The following PLEKHH2 variants were observed in gnomAD, a reference collection of about 807,000 sequenced individuals.
PLEKHH2 encodes the protein pleckstrin homology domain-containing family H member 2.
PLEKHH2 carries 129 observed loss-of-function variants against 187.9 expected under a neutral mutation model. That is an observed-to-expected ratio of 0.69 (90% CI 0.59 to 0.79). PLEKHH2 has a LOEUF of 0.79. Ranked by LOEUF, PLEKHH2 falls within the 30% of genes least tolerant of loss-of-function variation. The pLI is 0.00. For missense variants in PLEKHH2, 2,076 were observed against 1,751.2 expected (o/e 1.19, Z -3.31); for synonymous variants, 686 against 605.6 (o/e 1.13, Z -1.95).
intron 3 of PLEKHH2, among the ~76,000 whole-genome samples, chr2:43,682,270 T>A (rs1668232054): frequency 6.6e-6 from 1 of 152,206 alleles, no homozygotes; most frequent in African/African-American, 2.4e-5. Context: ...ATTGCTTCTG[T>A]GTTTTGTTCT....
At chr2:43,648,839 C>G (rs1019698320) in intron 2 of PLEKHH2, among the ~76,000 whole-genome samples, 1 of 151,996 alleles carries the variant, frequency 6.6e-6, no homozygotes, top group Admixed American at 6.6e-5. Flanking sequence ...CTCAGCCTCC[C>G]AAAGTGCTGG....
chr2:43,756,246 A>G (rs1672206503), intron 25 of PLEKHH2, among the ~76,000 whole-genome samples: 1 of 152,176 alleles, frequency 6.6e-6, no homozygotes, highest in African/African-American at 2.4e-5. Context: ...TGCTCCCATT[A>G]CATTCAGGAG....
chr2:43,698,301 G>T (rs1464062164), intron 7 of PLEKHH2, among the ~76,000 whole-genome samples: 4 of 148,888 alleles, frequency 2.7e-5, no homozygotes, highest in Non-Finnish European at 4.4e-5. Context: ...AGGCCGGAGT[G>T]CAGTGGCACG....
chr2:43,702,724 T>C (rs1379101222), intron 8 of PLEKHH2, among the ~76,000 whole-genome samples: 1 of 152,132 alleles, frequency 6.6e-6, no homozygotes, highest in Non-Finnish European at 1.5e-5. Flanking sequence ...AATATGAGTT[T>C]ATTTTAAAAA....
At position 43,718,644 on chromosome 2, in the gene PLEKHH2, G is replaced by A. The variant is rs150412908; in HGVS notation, c.2461-2025G>A. 3.8e-3 allele frequency among the ~76,000 whole-genome samples: 579 copies of A among 151,878 alleles called. 4 individuals are homozygous for A. Among genetic ancestry groups the A allele is most frequent in the African/African-American group, 0.013 (539 of 41,416 alleles). ...GGTCTTCATTAATTTGCATTTCTTC[G>A]AAGGCATACATTGTTCTCTTTTAAA... On this transcript the variant is annotated intron_variant, in intron 15 of 29. Transcript: ENST00000282406.
chr2:43,700,658 A>C lies in PLEKHH2; in HGVS notation c.1650+50A>C, dbSNP rs1572579931. ...CATACGCAGTAGTTTTTTTCTCAAC[A>C]CTTTTTTTTTCTGGGAGGGAGTCTC... On this transcript the variant is annotated intron_variant, in intron 8 of 29. Coordinates refer to ENST00000282406, the MANE Select transcript of PLEKHH2 (RefSeq NM_172069.4). 2.6e-6 allele frequency: 4 copies of C among 1,532,598 alleles called. No individual in the cohort carries two copies. The South Asian group carries it at 3.8e-5, about 14-fold the overall frequency. 94.9% of individuals were successfully genotyped at this position (1,532,598 alleles called of 1,614,324 possible). A position where few individuals can be genotyped will look rare whatever the true frequency, so the allele number is the denominator to read the frequency against.
chr2:43,638,178 A>G (rs1703204671), intron 1 of PLEKHH2, among the ~76,000 whole-genome samples: 1 of 152,060 alleles, frequency 6.6e-6, no homozygotes, highest in South Asian at 2.1e-4. Flanking sequence ...AAGTGGGGCT[A>G]GGTGGCTAGG....
chr2:43,697,321 A>C lies in PLEKHH2; in HGVS notation c.653A>C (p.Lys218Thr). 1 of 1,613,442 alleles carries C rather than the reference A, an allele frequency of 6.2e-7. No homozygotes were observed. The highest frequency in any genetic ancestry group is 2.2e-5 in the East Asian group (1 of 44,870). The change falls in exon 7 of 30, where the codon AAA becomes ACA. Residue 218 changes from lysine to threonine, a missense_variant. By Grantham distance (78) the Lys-to-Thr change is moderately conservative (BLOSUM62 -1). Transcript: ENST00000282406. Reference sequence around the variant, plus strand: ...GAGGAAATGAGCAAGATATCATCGAAAGAACCTGAGTTCACTGAAGGAAAA... The same window carrying C: ...GAGGAAATGAGCAAGATATCATCGACAGAACCTGAGTTCACTGAAGGAAAA... ...KSEEMSKISS[K>T]EPEFTEGKDM... is the part of the protein sequence containing the mutation.
rs1672325954 is a variant in PLEKHH2, at chr2:43,758,979, A to G, written c.4021A>G (p.Thr1341Ala). 2 of 1,612,624 alleles carry G rather than the reference A, an allele frequency of 1.2e-6. No individual in the cohort carries two copies. Among genetic ancestry groups the G allele is most frequent in the African/African-American group, 1.3e-5 (1 of 74,884 alleles). The change falls in exon 27 of 30, where the codon ACA becomes GCA. Residue 1341 changes from threonine (T) to alanine (A), a missense_variant. Physicochemically the swap from Thr to Ala is moderately conservative, Grantham distance 58. Transcript: ENST00000282406. ...SAADCVRIYL[T>A]VARKWPFFGA... The stretch of plus-strand genomic sequence containing the variant: ...TGCTGACTGTGTGCGCATTTATTTG[A>G]CAGTAGCCAGGAAGTGGCCATTCTT...
intron 2 of PLEKHH2, among the ~76,000 whole-genome samples, chr2:43,667,411 A>G (rs1002293728): frequency 6.6e-6 from 1 of 152,252 alleles, no homozygotes; most frequent in African/African-American, 2.4e-5. Flanking sequence ...TAGAGTTATT[A>G]TATGACCCAG....
chr2:43,743,505 T>A (rs966796587), intron 22 of PLEKHH2, among the ~76,000 whole-genome samples: 1 of 152,252 alleles, frequency 6.6e-6, no homozygotes, highest in Admixed American at 6.5e-5. Context: ...TCCATTTGAT[T>A]AAAGATTGCA....
At chr2:43,698,944 G>A (rs1669224626) in intron 7 of PLEKHH2, among the ~76,000 whole-genome samples, 1 of 152,162 alleles carries the variant, frequency 6.6e-6, no homozygotes, top group African/African-American at 2.4e-5. Flanking sequence ...AAGCTTTTCT[G>A]TGTTTATATT....
chr2:43,725,012 C>G (rs935043583), intron 16 of PLEKHH2, among the ~76,000 whole-genome samples: 2 of 152,148 alleles, frequency 1.3e-5, no homozygotes, highest in African/African-American at 2.4e-5. Flanking sequence ...GAACACCTCT[C>G]CATCACAGAG....
At chr2:43,643,141 A>G (rs115446436) in intron 1 of PLEKHH2, among the ~76,000 whole-genome samples, 2 of 152,250 alleles carry the variant, frequency 1.3e-5, no homozygotes, top group African/African-American at 4.8e-5. Flanking sequence ...TTGCTAGTAA[A>G]TGCCAATGTG....
rs376851824 is a variant in PLEKHH2 at position 43,710,584 on chromosome 2, C to CTTT, written c.2301+31_2301+33dup. On this transcript the variant is annotated intron_variant, in intron 14 of 29. Coordinates refer to ENST00000282406, the MANE Select transcript of PLEKHH2 (RefSeq NM_172069.4). ...ACAAACAAACAGTTCAGGTACTTAA[C>CTTT]TTTTTTTTTTTTTTTTTTTTTTTTG... 0.014 allele frequency: 16,937 copies of CTTT among 1,228,166 alleles called. 5 individuals are homozygous for CTTT. Among genetic ancestry groups the CTTT allele is most frequent in the South Asian group, 0.035 (1,828 of 52,600 alleles). The allele number at this position is 1,228,166 out of a possible 1,614,324, so 76.1% of individuals were successfully genotyped here.
intron 3 of PLEKHH2, among the ~76,000 whole-genome samples, chr2:43,680,196 T>C (rs888739588): frequency 1.3e-5 from 2 of 152,188 alleles, no homozygotes. Flanking sequence ...AGTAATATGG[T>C]TAACTATAAT....
intron 24 of PLEKHH2, among the ~76,000 whole-genome samples, chr2:43,750,127 T>G (rs1671947045): frequency 6.6e-6 from 1 of 152,196 alleles, no homozygotes; most frequent in African/African-American, 2.4e-5. Context: ...AAATGGAGTT[T>G]ATCCCATTTC....
intron 15 of PLEKHH2, among the ~76,000 whole-genome samples, chr2:43,716,340 T>A (rs532755873): frequency 1.3e-5 from 2 of 152,304 alleles, no homozygotes; most frequent in South Asian, 4.1e-4. Flanking sequence ...TATCTTAAGT[T>A]TGTAGGACAT....
chr2:43,701,403 T>A (rs1487297576), intron 8 of PLEKHH2, among the ~76,000 whole-genome samples: 1 of 151,978 alleles, frequency 6.6e-6, no homozygotes, highest in Non-Finnish European at 1.5e-5. Flanking sequence ...AGTGAATAGG[T>A]GGAGAGGGAT....
Sources: allele counts gnomAD v4.1 joint callset (sites outside exome capture counted in the v4.1 genomes callset), GRCh38; gene constraint gnomAD v4.1.1; transcripts MANE v1.5; gene names NCBI Gene and HGNC (gene_info 2026-07-23, HGNC 2026-07-21).